Variants in DMAC2L observed in about 807,000 individuals in gnomAD.
The protein encoded by DMAC2L is ATP synthase subunit s, mitochondrial.
Under a neutral mutation model 22.5 loss-of-function variants are expected in DMAC2L, and 21 were observed. The ratio of observed to expected loss-of-function variants is 0.93; its 90% CI spans 0.66 to 1.34. The LOEUF is 1.34. Ranked by LOEUF, DMAC2L falls within the 40% of genes most tolerant of loss-of-function variation. The pLI is 0.00. For synonymous variants in DMAC2L, 86 were observed against 89.5 expected (o/e 0.96, Z 0.22); for missense variants, 239 against 246.5 (o/e 0.97, Z 0.20).
intron 2 of DMAC2L, chr14:50,319,330 T>C: frequency 9.1e-6 from 14 of 1,536,076 alleles, no homozygotes; most frequent in African/African-American, 1.4e-5. Flanking sequence ...AGTTCACATC[T>C]CTCACTGTTC....
At chr14:50,312,315 G>T, upstream of DMAC2L, 1 of 1,017,076 alleles carries the variant, frequency 9.8e-7, no homozygotes, top group Non-Finnish European at 1.4e-6. Flanking sequence ...GCGCGCGTCG[G>T]AGGGCGAAGG....
intron 1 of DMAC2L, chr14:50,312,620 C>A (rs2031335073): frequency 3.5e-6 from 1 of 283,490 alleles, no homozygotes; most frequent in Admixed American, 5.2e-5. Flanking sequence ...TCGCCCTCGG[C>A]CCCGCCCCCG....
upstream of DMAC2L, chr14:50,312,174 C>A: frequency 6.2e-7 from 1 of 1,607,860 alleles, no homozygotes; most frequent in Non-Finnish European, 8.5e-7. Context: ...TCCCCTCCCT[C>A]AGCGCTCAGA....
chr14:50,312,004 C>T, upstream of DMAC2L: 1 of 1,559,038 alleles, frequency 6.4e-7, no homozygotes, highest in Non-Finnish European at 8.7e-7. Context: ...GACCAGCGGC[C>T]ACTCACCTGG....
intron 2 of DMAC2L, among the ~76,000 whole-genome samples, chr14:50,316,940 T>G (rs1468549772): frequency 6.6e-6 from 1 of 152,138 alleles, no homozygotes; most frequent in Non-Finnish European, 1.5e-5. Context: ...AATGATGGTA[T>G]TTTTATGGGA....
intron 1 of DMAC2L, among the ~76,000 whole-genome samples, chr14:50,314,289 C>A (rs750900169): frequency 1.3e-5 from 2 of 152,206 alleles, no homozygotes; most frequent in Non-Finnish European, 2.9e-5. Context: ...GGAGGTTTCC[C>A]TGCACAAGTT....
intron 5 of DMAC2L, chr14:50,324,453 C>T (rs1001887748): frequency 1.3e-4 from 22 of 163,938 alleles, no homozygotes; most frequent in Non-Finnish European, 2.6e-4. Context: ...TTAATATTTT[C>T]AAGACATTTG....
Position 50,326,419 on chromosome 14 carries a change from T to G in DMAC2L, c.*696T>G. The G allele has an allele frequency of 1.0e-6, 1 of 973,764 alleles. No homozygotes were observed. Among genetic ancestry groups the G allele is most frequent in the East Asian group, 1.1e-4 (1 of 8,746 alleles). The allele number at this position is 973,764 out of a possible 1,614,324, so 60.3% of individuals were successfully genotyped here. Reference sequence around the variant, plus strand: ...AGTTAGTGAAGCATACTACCATAAATGCACAATTATGAAAAATTAGAAGCT... The same window carrying G: ...AGTTAGTGAAGCATACTACCATAAAGGCACAATTATGAAAAATTAGAAGCT... On this transcript the variant is annotated 3_prime_UTR_variant, in exon 6 of 6. Transcript: ENST00000557421.
intron 1 of DMAC2L, among the ~76,000 whole-genome samples, chr14:50,314,342 C>A (rs2031572223): frequency 6.6e-6 from 1 of 152,202 alleles, no homozygotes; most frequent in South Asian, 2.1e-4. Flanking sequence ...TGACTTGCTC[C>A]TCCTTGCCTT....
At chr14:50,312,320 C>T (rs1850595818), upstream of DMAC2L, 10 of 966,216 alleles carry the variant, frequency 1.0e-5, no homozygotes, top group Middle Eastern at 3.2e-4. Flanking sequence ...CGTCGGAGGG[C>T]GAAGGGCCGG....
chr14:50,317,764 C>T (rs1279177856), intron 2 of DMAC2L, among the ~76,000 whole-genome samples: 1 of 150,662 alleles, frequency 6.6e-6, no homozygotes, highest in Non-Finnish European at 1.5e-5. Context: ...GAGTGAAACA[C>T]TATCTCCAAA....
chr14:50,311,751 T>C (rs1165631751), upstream of DMAC2L, among the ~76,000 whole-genome samples: 3 of 151,566 alleles, frequency 2.0e-5, no homozygotes, highest in Non-Finnish European at 4.4e-5. Flanking sequence ...TAGCCCAGAG[T>C]TCAACAGAAA....
rs751118240 is a variant in DMAC2L at position 50,322,481 on chromosome 14, A to T, written c.108-30A>T. 3 of 1,573,320 alleles carry T rather than the reference A, an allele frequency of 1.9e-6. No homozygotes were observed. The African/African-American group carries it at 4.1e-5, about 21-fold the overall frequency. ...TTAACAAGCTAGTGATTATTGTAAAAGCAAACTGCTTTTTTTCTCTTGCCA... is the reference window on the plus strand; with the variant it reads ...TTAACAAGCTAGTGATTATTGTAAATGCAAACTGCTTTTTTTCTCTTGCCA... On this transcript the variant is annotated intron_variant, in intron 3 of 5. Coordinates refer to ENST00000557421, the MANE Select transcript of DMAC2L (RefSeq NM_001382507.1).
At chr14:50,311,647 T>C (rs1243854556), upstream of DMAC2L, among the ~76,000 whole-genome samples, 2 of 152,238 alleles carry the variant, frequency 1.3e-5, no homozygotes, top group Admixed American at 1.3e-4. Flanking sequence ...TGATTGCTTA[T>C]ACTGTGTGCT....
chr14:50,322,321 G>C (rs1272615508), intron 3 of DMAC2L, among the ~76,000 whole-genome samples, 190 bp from the exon 4 acceptor site: 1 of 151,806 alleles, frequency 6.6e-6, no homozygotes, highest in African/African-American at 2.4e-5. Flanking sequence ...AACTAAAAAA[G>C]TCAGCAGATA....
intron 5 of DMAC2L, among the ~76,000 whole-genome samples, chr14:50,325,231 G>T: frequency 6.6e-6 from 1 of 152,176 alleles, no homozygotes; most frequent in Admixed American, 6.5e-5. Flanking sequence ...AAAAGTACTA[G>T]ATTGTTCATC....
At chr14:50,312,786 C>T (rs1323195354) in intron 1 of DMAC2L, 15 of 535,434 alleles carry the variant, frequency 2.8e-5, no homozygotes, top group South Asian at 2.4e-4. Context: ...AATCCTCGCT[C>T]CTCACGGAGG....
chr14:50,326,064 C>G lies in DMAC2L; in HGVS notation c.*341C>G, dbSNP rs1392833969. ...TGGCCAACATGGTGAAACCCCATCTCTACTAAAAAAACAAAATTAGCTGAA... is the reference window on the plus strand; with the variant it reads ...TGGCCAACATGGTGAAACCCCATCTGTACTAAAAAAACAAAATTAGCTGAA... On this transcript the variant is annotated 3_prime_UTR_variant, in exon 6 of 6. Coordinates refer to ENST00000557421, the MANE Select transcript of DMAC2L (RefSeq NM_001382507.1). 1.3e-5 allele frequency: 5 copies of G among 376,830 alleles called. No individual in the cohort carries two copies. In the East Asian group the frequency reaches 7.7e-4, roughly 58 times the overall value. 23.3% of individuals were successfully genotyped at this position (376,830 alleles called of 1,614,324 possible).
At chr14:50,312,887 G>C (rs1219766910) in intron 1 of DMAC2L, 1 of 882,824 alleles carries the variant, frequency 1.1e-6, no homozygotes, top group East Asian at 2.4e-5. Context: ...TCATTGATTC[G>C]TCTTGTAAAT....
Sources: allele counts gnomAD v4.1 joint callset (sites outside exome capture counted in the v4.1 genomes callset), GRCh38; gene constraint gnomAD v4.1.1; transcripts MANE v1.5; gene names NCBI Gene and HGNC (gene_info 2026-07-23, HGNC 2026-07-21).